Variants in COL17A1 observed in about 807,000 individuals in gnomAD.
COL17A1 encodes the protein collagen type XVII alpha 1 chain.
In COL17A1, 181 loss-of-function variants were observed where a neutral mutation model predicts 218.4. The observed-to-expected ratio is 0.83, with a 90% CI of 0.73 to 0.94. COL17A1 has a LOEUF of 0.94. Ranked by LOEUF, COL17A1 falls within the 40% of genes least tolerant of loss-of-function variation. The pLI, the probability that COL17A1 is intolerant of heterozygous loss-of-function variation, is 0.00. For synonymous variants in COL17A1, 721 were observed against 731.0 expected, an observed-to-expected ratio of 0.99 and a Z score of 0.22; for missense variants, 1,924 against 1,945.9, an observed-to-expected ratio of 0.99 and a Z score of 0.21.
At chr10:104,055,249 A>G in intron 19 of COL17A1, 123 bp downstream of exon 19, 1 of 1,539,148 alleles carries the variant, frequency 6.5e-7, no homozygotes, top group Non-Finnish European at 9.0e-7. Flanking sequence ...AACAGATACC[A>G]TAAGATCATT....
intron 16 of COL17A1, among the ~76,000 whole-genome samples, chr10:104,057,765 C>G (rs1240260926): frequency 1.3e-5 from 2 of 152,008 alleles, no homozygotes; most frequent in Non-Finnish European, 2.9e-5. Flanking sequence ...TATCACACGG[C>G]GGTGGAAGGA....
intron 23 of COL17A1, 110 bp downstream of exon 23, chr10:104,052,921 A>G (rs1484851287): frequency 1.5e-6 from 2 of 1,351,298 alleles, no homozygotes; most frequent in African/African-American, 1.4e-5. Flanking sequence ...GTGCTCAGTA[A>G]ATGAAGGAAG....
At position 104,060,122 on chromosome 10, in the gene COL17A1, C is replaced by G; in HGVS notation, c.1138G>C (p.Ala380Pro). 6.2e-7 allele frequency: 1 copy of G among 1,614,090 alleles called. No homozygotes were observed. Among genetic ancestry groups the G allele is most frequent in the Non-Finnish European group, 8.5e-7 (1 of 1,180,024 alleles). ...VFTASPASIA[A>P]TSFSEDTLKK... The stretch of plus-strand genomic sequence containing the variant: ...AGCCACACAGGATCTGACGCACTTG[C>G]AGCGATGCTGGCAGGGGAGGCTGTA... The change falls in exon 14 of 56, where the codon GCA becomes CCA. Residue 380 changes from alanine (A) to proline (P), a missense_variant. Ala to Pro is a conservative substitution (Grantham distance 27). Coordinates refer to ENST00000648076, the MANE Select transcript of COL17A1 (RefSeq NM_000494.4).
chr10:104,035,060 C>T (rs926432068), intron 50 of COL17A1, among the ~76,000 whole-genome samples: 7 of 152,182 alleles, frequency 4.6e-5, no homozygotes, highest in Admixed American at 2.6e-4. Flanking sequence ...CACCGGGCTG[C>T]GCCTGGGAAA....
At chr10:104,071,676 A>G (rs748089177) in intron 8 of COL17A1, among the ~76,000 whole-genome samples, 1 of 151,990 alleles carries the variant, frequency 6.6e-6, no homozygotes, top group South Asian at 2.1e-4. Flanking sequence ...GTTTCCTTTC[A>G]GGTAACACCT....
intron 36 of COL17A1, 86 bp from the exon 37 acceptor site, chr10:104,041,624 T>G: frequency 8.7e-7 from 1 of 1,154,682 alleles, no homozygotes; most frequent in Non-Finnish European, 1.3e-6. Flanking sequence ...GGATCTGCAG[T>G]TCCAGGCACT....
chr10:104,069,431 G>A (rs1041698478), intron 9 of COL17A1, among the ~76,000 whole-genome samples: 2 of 152,128 alleles, frequency 1.3e-5, no homozygotes, highest in East Asian at 3.9e-4. Context: ...ATACCCCTTG[G>A]CATCCCCCTT....
intron 14 of COL17A1, 40 bp downstream of exon 14, chr10:104,060,079 G>T (rs368174233): frequency 3.1e-6 from 5 of 1,612,822 alleles, no homozygotes; most frequent in Admixed American, 1.7e-5. Context: ...ACACTATTTG[G>T]CTTTCTTCTG....
rs889890160 is a variant in COL17A1 at position 104,049,454 on chromosome 10, C to G, written c.2182G>C (p.Gly728Arg). 23 of 1,614,254 alleles carry G rather than the reference C, an allele frequency of 1.4e-5. No homozygotes were observed. Among genetic ancestry groups the G allele is most frequent in the Non-Finnish European group, 1.9e-5 (23 of 1,180,044 alleles). The change falls in exon 29 of 56, where the codon GGT becomes CGT. Residue 728 changes from glycine to arginine, a missense_variant. Gly to Arg is a moderately radical substitution (Grantham distance 125, BLOSUM62 -2). Transcript: ENST00000648076. Reference protein sequence around the residue: ...RGLTGEPGMRGLPGAVGEPGA... With the variant: ...RGLTGEPGMRRLPGAVGEPGA... ...GGCTCACCAACAGCACCAGGCAAAC[C>G]TCTCATGCCAGGCTCGCCTGCAAAG...
rs140068476 is a variant in COL17A1, at chr10:104,034,068, C to T, written c.4033G>A (p.Gly1345Arg). The change falls in exon 52 of 56, where the codon GGA becomes AGA. Residue 1345 changes from glycine to arginine, a missense_variant. Physicochemically the swap from Gly to Arg is moderately radical, Grantham distance 125. Coordinates refer to ENST00000648076, the MANE Select transcript of COL17A1 (RefSeq NM_000494.4). ...CCTTCTGCTGCTGCCCCATAGCCTC[C>T]GCCTGGGCCGATGTCAGTGCCATAG... Reference protein sequence around the residue: ...GPYGTDIGPGGGYGAAAEGGM... With the variant: ...GPYGTDIGPGRGYGAAAEGGM... The T allele has an allele frequency of 5.4e-4, 872 of 1,614,130 alleles. 5 individuals carry two copies. The highest frequency in any genetic ancestry group is 3.5e-3 in the South Asian group (316 of 91,084).
chr10:104,049,470 G>A lies in COL17A1; in HGVS notation c.2166C>T (p.Gly722=), dbSNP rs777843669. Residue 722 remains glycine, a splice_region_variant and synonymous_variant, in exon 29 of 56, where the codon GGC becomes GGT. Transcript: ENST00000648076. ...CAGGCAAACCTCTCATGCCAGGCTC[G>A]CCTGCAAAGGACAAAGAACTAGCTG... is the stretch of plus-strand genomic sequence containing the variant. ...QGEKGPRGLT[G]EPGMRGLPGA... 1.8e-5 allele frequency: 29 copies of A among 1,614,132 alleles called. No homozygotes were observed. Among genetic ancestry groups the A allele is most frequent in the Non-Finnish European group, 2.3e-5 (27 of 1,179,990 alleles).
chr10:104,041,641 T>C, intron 36 of COL17A1, 103 bp from the exon 37 acceptor site: 1 of 967,468 alleles, frequency 1.0e-6, no homozygotes, highest in African/African-American at 1.6e-5. Flanking sequence ...CACTCCAGGC[T>C]ACCCTCACAG....
Position 104,035,618 on chromosome 10 carries a change from CA to C in COL17A1, c.3419-56del. ...GGGGGAGGCAGATGGAAACACCTGT[CA>C]GAGAGGAGGTCGGATACAGAAGAGG... On this transcript the variant is annotated intron_variant, in intron 48 of 55. Coordinates refer to ENST00000648076, the MANE Select transcript of COL17A1 (RefSeq NM_000494.4). The C allele has an allele frequency of 2.9e-6, 4 of 1,390,780 alleles. No individual in the cohort carries two copies. The South Asian group carries it at 3.6e-5, about 13-fold the overall frequency. The allele number at this position is 1,390,780 out of a possible 1,614,324, so 86.2% of individuals were successfully genotyped here.
chr10:104,078,235 G>A (rs2086728990), intron 3 of COL17A1, among the ~76,000 whole-genome samples: 1 of 152,162 alleles, frequency 6.6e-6, no homozygotes, highest in African/African-American at 2.4e-5. Context: ...CAGTAGATTT[G>A]TGGTTTCCAG....
chr10:104,049,779 C>T (rs1338639646), intron 28 of COL17A1, among the ~76,000 whole-genome samples: 1 of 152,242 alleles, frequency 6.6e-6, no homozygotes, highest in African/African-American at 2.4e-5. Context: ...TGAGAGGATA[C>T]CGGGGTGCAA....
chr10:104,041,113 C>T lies in COL17A1; in HGVS notation c.2653G>A (p.Gly885Ser). 1 of 1,612,580 alleles carries T rather than the reference C, an allele frequency of 6.2e-7. No individual in the cohort carries two copies. Among genetic ancestry groups the T allele is most frequent in the Non-Finnish European group, 8.5e-7 (1 of 1,179,362 alleles). The change falls in exon 39 of 56, where the codon GGT (glycine) becomes AGT (serine). Residue 885 changes from glycine (G) to serine (S), a missense_variant. Gly to Ser is a moderately conservative substitution (Grantham distance 56). Coordinates refer to ENST00000648076, the MANE Select transcript of COL17A1 (RefSeq NM_000494.4). The part of the protein sequence containing the change: ...PPGPRGPPGE[G>S]LPGPPGPPGS... ...GGTGGGCCTGGTGGGCCTGGCAAAC[C>T]CTCCCCTAGGAAAGAGAACCCCCAA...
intron 1 of COL17A1, among the ~76,000 whole-genome samples, chr10:104,084,812 G>A (rs1286810047): frequency 2.0e-5 from 3 of 152,180 alleles, no homozygotes; most frequent in African/African-American, 7.2e-5. Context: ...GAGAACATAT[G>A]GAGGTAAGAA....
intron 5 of COL17A1, among the ~76,000 whole-genome samples, chr10:104,075,207 G>A (rs913623344): frequency 6.6e-6 from 1 of 151,752 alleles, no homozygotes; most frequent in Non-Finnish European, 1.5e-5. Flanking sequence ...TTTGCGAATG[G>A]CTTCCACCTG....
At chr10:104,067,503 C>T (rs778231068) in intron 9 of COL17A1, among the ~76,000 whole-genome samples, 3 of 151,820 alleles carry the variant, frequency 2.0e-5, no homozygotes, top group African/African-American at 4.8e-5. Flanking sequence ...AAGGTTTTTG[C>T]GAAAAGTAAG....
Sources: allele counts gnomAD v4.1 joint callset (sites outside exome capture counted in the v4.1 genomes callset), GRCh38; gene constraint gnomAD v4.1.1; transcripts MANE v1.5; gene names NCBI Gene and HGNC (gene_info 2026-07-23, HGNC 2026-07-21).